Variants in TGFBI observed in about 807,000 individuals in gnomAD.
TGFBI encodes the protein transforming growth factor beta induced, also known as transforming growth factor-beta-induced protein ig-h3.
In TGFBI, 50 loss-of-function variants were observed where a neutral mutation model predicts 73.7. That is an observed-to-expected ratio of 0.68 (90% CI 0.54 to 0.86). The LOEUF (loss-of-function observed/expected upper bound fraction) is 0.86, where lower values mean the gene tolerates loss of function less well. Among genes scored for constraint, TGFBI ranks in the 40% least tolerant of loss-of-function variants. TGFBI has a pLI of 0.00. For missense variants in TGFBI, 839 were observed against 877.0 expected (o/e 0.96, Z 0.55); for synonymous variants, 362 against 360.5 (o/e 1.00, Z -0.05).
intron 2 of TGFBI, among the ~76,000 whole-genome samples, chr5:136,040,031 C>G (rs1436732600): frequency 1.3e-5 from 2 of 152,206 alleles, no homozygotes; most frequent in African/African-American, 4.8e-5. Flanking sequence ...AACGACTTCT[C>G]GAGTATAATT....
chr5:136,049,779 T>C, intron 7 of TGFBI, 199 bp downstream of exon 7: 2 of 573,082 alleles, frequency 3.5e-6, no homozygotes, highest in Non-Finnish European at 6.0e-6. Flanking sequence ...GAGGGCTGAC[T>C]ACAGAATCCA....
intron 2 of TGFBI, among the ~76,000 whole-genome samples, 192 bp downstream of exon 2, chr5:136,034,053 A>T (rs900198380): frequency 6.6e-6 from 1 of 152,120 alleles, no homozygotes; most frequent in African/African-American, 2.4e-5. Flanking sequence ...TGCATTTTTA[A>T]GGCTGCTGAC....
At chr5:136,059,394 G>A (rs769321079) in intron 13 of TGFBI, among the ~76,000 whole-genome samples, 180 bp downstream of exon 13, 28 of 152,220 alleles carry the variant, frequency 1.8e-4, no homozygotes, top group Non-Finnish European at 2.9e-4. Flanking sequence ...AATCAAGTGA[G>A]ATCATAGTTA....
chr5:136,046,822 C>G, intron 4 of TGFBI, 29 bp from the exon 5 acceptor site: 2 of 1,604,630 alleles, frequency 1.2e-6, no homozygotes, highest in Middle Eastern at 3.4e-4. Context: ...GTCTGCAGCC[C>G]CTAACTGACA....
chr5:136,040,379 A>G (rs1239207399), intron 2 of TGFBI, among the ~76,000 whole-genome samples: 1 of 152,210 alleles, frequency 6.6e-6, no homozygotes, highest in Non-Finnish European at 1.5e-5. Context: ...AGTGAGCATT[A>G]TTGCCTGAGC....
intron 13 of TGFBI, among the ~76,000 whole-genome samples, chr5:136,060,152 A>G (rs1428330799): frequency 6.6e-6 from 1 of 152,086 alleles, no homozygotes; most frequent in Non-Finnish European, 1.5e-5. Flanking sequence ...TGTTCCACCT[A>G]CTTAGCTTAA....
chr5:136,058,149 A>G (rs1475785163), intron 12 of TGFBI, among the ~76,000 whole-genome samples: 3 of 152,112 alleles, frequency 2.0e-5, no homozygotes, highest in Non-Finnish European at 2.9e-5. Context: ...TGGAAGGGGA[A>G]CCTTGTCAGC....
chr5:136,057,865 C>T (rs898184314), intron 12 of TGFBI, among the ~76,000 whole-genome samples: 3 of 152,144 alleles, frequency 2.0e-5, no homozygotes, highest in African/African-American at 7.2e-5. Context: ...GGGAGAAGTT[C>T]ATTCTGAACA....
intron 12 of TGFBI, among the ~76,000 whole-genome samples, chr5:136,057,837 G>A (rs1038100259): frequency 6.6e-6 from 1 of 152,136 alleles, no homozygotes; most frequent in Admixed American, 6.5e-5. Context: ...TGATGCTGAC[G>A]TATGTTCCTA....
chr5:136,050,421 T>G (rs946845907), intron 7 of TGFBI, among the ~76,000 whole-genome samples: 14 of 152,274 alleles, frequency 9.2e-5, no homozygotes, highest in African/African-American at 3.4e-4. Context: ...AGCTGCTAAG[T>G]TAGGCAGTGC....
intron 16 of TGFBI, among the ~76,000 whole-genome samples, chr5:136,062,967 C>T (rs1273678135): frequency 6.6e-6 from 1 of 152,136 alleles, no homozygotes; most frequent in Non-Finnish European, 1.5e-5. Flanking sequence ...TGGCAGGAAC[C>T]CATGGTGAGG....
intron 3 of TGFBI, 127 bp from the exon 4 acceptor site, chr5:136,046,208 G>T: frequency 8.8e-7 from 1 of 1,135,036 alleles, no homozygotes; most frequent in Non-Finnish European, 1.2e-6. Context: ...GCCTGTCTTT[G>T]GGCTTTCCCA....
intron 2 of TGFBI, among the ~76,000 whole-genome samples, chr5:136,034,121 C>CGT (rs10626743): frequency 0.041 from 6,070 of 149,612 alleles, 279 homozygotes; most frequent in African/African-American, 0.11. Flanking sequence ...TGAAACACTG[C>CGT]GTGTGTGTGT....
chr5:136,060,813 A>T, intron 13 of TGFBI, 21 bp from the exon 14 acceptor site: 10 of 1,554,188 alleles, frequency 6.4e-6, no homozygotes, highest in Non-Finnish European at 8.8e-6. Flanking sequence ...ACTTTCAACC[A>T]CTACTCTGTT....
At position 136,063,376 on chromosome 5, in the gene TGFBI, TG is replaced by T; in HGVS notation, c.*155del. The T allele has an allele frequency of 1.4e-6, 1 of 709,604 alleles. No homozygotes were observed. Among genetic ancestry groups the T allele is most frequent in the Non-Finnish European group, 2.5e-6 (1 of 408,076 alleles). The allele number at this position is 709,604 out of a possible 1,614,324, so 44.0% of individuals were successfully genotyped here. ...TAATGAGATGTGAGCCTTGTGCATG[TG>T]GGGGAGGAGGGAGAGAGATGTACTT... On this transcript the variant is annotated 3_prime_UTR_variant, in exon 17 of 17. Coordinates refer to ENST00000442011, the MANE Select transcript of TGFBI (RefSeq NM_000358.3).
At chr5:136,049,848 G>A in intron 7 of TGFBI, 2 of 380,592 alleles carry the variant, frequency 5.3e-6, no homozygotes, top group Middle Eastern at 7.2e-4. Context: ...CCCATAGCTG[G>A]CCCTGGCCAG....
At chr5:136,051,455 CA>C (rs749400615) in intron 7 of TGFBI, among the ~76,000 whole-genome samples, 2 of 151,728 alleles carry the variant, frequency 1.3e-5, no homozygotes, top group Admixed American at 6.6e-5. Flanking sequence ...CAAAACAAAA[CA>C]AAACAAAAAA....
intron 4 of TGFBI, 58 bp downstream of exon 4, chr5:136,046,553 A>T: frequency 6.6e-7 from 1 of 1,511,870 alleles, no homozygotes; most frequent in Non-Finnish European, 8.9e-7. Context: ...TACTTCCCCG[A>T]GGGGTGGGCA....
At chr5:136,034,121 CGT>C (rs10626743) in intron 2 of TGFBI, among the ~76,000 whole-genome samples, 48 of 149,036 alleles carry the variant, frequency 3.2e-4, no homozygotes, top group South Asian at 6.4e-4. Flanking sequence ...TGAAACACTG[CGT>C]GTGTGTGTGT....
Sources: allele counts gnomAD v4.1 joint callset (sites outside exome capture counted in the v4.1 genomes callset), GRCh38; gene constraint gnomAD v4.1.1; transcripts MANE v1.5; gene names NCBI Gene and HGNC (gene_info 2026-07-23, HGNC 2026-07-21).